SIRT1: variants seen among roughly 807,000 people sequenced by gnomAD.
The protein encoded by SIRT1 is sirtuin 1, also known as NAD-dependent protein deacetylase sirtuin-1.
In SIRT1, 24 loss-of-function variants were observed where a neutral mutation model predicts 67.9. The ratio of observed to expected loss-of-function variants is 0.35; its 90% CI spans 0.26 to 0.50. The LOEUF is 0.50. SIRT1 is among the 20% of genes least tolerant of loss of function. The probability of loss-of-function intolerance (pLI) is 0.98; values close to 1 mark genes in which losing one functional copy is unlikely to be tolerated. For synonymous variants in SIRT1, 378 were observed against 350.7 expected (o/e 1.08, Z -0.87); for missense variants, 873 against 937.2 (o/e 0.93, Z 0.89).
intron 4 of SIRT1, 56 bp from the exon 5 acceptor site, chr10:67,906,734 G>T: frequency 6.6e-7 from 1 of 1,518,324 alleles, no homozygotes; most frequent in South Asian, 1.2e-5. Flanking sequence ...TTAAACATAT[G>T]ACATCTGTAG....
chr10:67,896,704 G>A (rs192802692), intron 4 of SIRT1, among the ~76,000 whole-genome samples: 2 of 145,620 alleles, frequency 1.4e-5, no homozygotes, highest in South Asian at 2.2e-4. Flanking sequence ...TGAGTTTGCC[G>A]TGAGCTGAGA....
At chr10:67,902,187 C>T (rs1842755186) in intron 4 of SIRT1, among the ~76,000 whole-genome samples, 2 of 152,238 alleles carry the variant, frequency 1.3e-5, no homozygotes, top group South Asian at 4.1e-4. Flanking sequence ...CAGGGTTTCA[C>T]CATGTTGGCC....
rs1360964757 is a variant in SIRT1, at chr10:67,917,934, A to G, written c.*1341A>G. On this transcript the variant is annotated 3_prime_UTR_variant, in exon 9 of 9. Coordinates refer to ENST00000212015, the MANE Select transcript of SIRT1 (RefSeq NM_012238.5). ...TTTTGAACATCACTCCTAAATTAAT[A>G]AAGTATTCCTCTGTTGCTTTAGTAT... The G allele has an allele frequency of 2.0e-5, 3 of 152,470 alleles. No homozygotes were observed. Among genetic ancestry groups the G allele is most frequent in the African/African-American group, 4.8e-5 (2 of 41,464 alleles). 9.4% of individuals were successfully genotyped at this position (152,470 alleles called of 1,614,324 possible).
chr10:67,914,221 G>A (rs1842945064), intron 8 of SIRT1, among the ~76,000 whole-genome samples: 3 of 151,940 alleles, frequency 2.0e-5, no homozygotes, highest in African/African-American at 4.8e-5. Context: ...ACAGGCATGC[G>A]CCACCTTGCT....
intron 7 of SIRT1, 28 bp from the exon 8 acceptor site, chr10:67,912,446 C>T (rs1382822780): frequency 6.5e-7 from 1 of 1,548,348 alleles, no homozygotes; most frequent in South Asian, 1.2e-5. Context: ...CTCCCTTTTT[C>T]TAACTCTTAT....
chr10:67,896,263 G>C (rs1308521685), intron 4 of SIRT1, among the ~76,000 whole-genome samples: 1 of 152,146 alleles, frequency 6.6e-6, no homozygotes, highest in Admixed American at 6.6e-5. Context: ...CTCCTGAGTA[G>C]CTGAGACCAT....
intron 4 of SIRT1, among the ~76,000 whole-genome samples, chr10:67,904,671 C>T (rs1842794630): frequency 6.6e-6 from 1 of 151,884 alleles, no homozygotes; most frequent in Admixed American, 6.6e-5. Context: ...CATGGAGAAA[C>T]CCCGTCTCTA....
At chr10:67,907,968 A>C (rs1360241395) in intron 5 of SIRT1, 78 bp from the exon 6 acceptor site, 30 of 1,247,992 alleles carry the variant, frequency 2.4e-5, no homozygotes, top group Non-Finnish European at 3.1e-5. Context: ...TGTGATGTTA[A>C]ACTTTATAAC....
intron 5 of SIRT1, among the ~76,000 whole-genome samples, chr10:67,907,368 G>A (rs1464898726): frequency 5.3e-5 from 8 of 151,596 alleles, no homozygotes; most frequent in Admixed American, 3.9e-4. Context: ...GGTGGCAGGC[G>A]CCTGTAATCC....
At chr10:67,906,311 A>T (rs765212962) in intron 4 of SIRT1, 30 of 1,558,768 alleles carry the variant, frequency 1.9e-5, no homozygotes, top group Non-Finnish European at 2.4e-5. Flanking sequence ...CTTTAGCTTT[A>T]AACTTCCAGC....
At chr10:67,893,977 TAAAA>T (rs199513884) in intron 4 of SIRT1, among the ~76,000 whole-genome samples, 1 of 151,534 alleles carries the variant, frequency 6.6e-6, no homozygotes, top group Non-Finnish European at 1.5e-5. Flanking sequence ...CGACTGTCTT[TAAAA>T]AAAAAGTGAT....
intron 7 of SIRT1, among the ~76,000 whole-genome samples, chr10:67,910,084 T>TG (rs1216368961): frequency 6.6e-6 from 1 of 151,906 alleles, no homozygotes; most frequent in Non-Finnish European, 1.5e-5. Flanking sequence ...TGGAGGGTTG[T>TG]CAAAACGCAA....
intron 4 of SIRT1, among the ~76,000 whole-genome samples, chr10:67,901,552 A>G (rs1842745381): frequency 6.6e-6 from 1 of 152,160 alleles, no homozygotes; most frequent in African/African-American, 2.4e-5. Context: ...TCTCTGTCAT[A>G]TGTTCTTTGT....
chr10:67,907,391 A>G (rs1842835592), intron 5 of SIRT1, among the ~76,000 whole-genome samples: 1 of 149,902 alleles, frequency 6.7e-6, no homozygotes, highest in Non-Finnish European at 1.5e-5. Flanking sequence ...GCTACTCAGG[A>G]GGCTGAGGCA....
In SIRT1 at chr10:67,917,016, A is replaced by C. The variant is rs1396592254; in HGVS notation, c.*423A>C. The C allele has an allele frequency of 6.5e-6, 1 of 152,942 alleles. No individual in the cohort carries two copies. Among genetic ancestry groups the C allele is most frequent in the Non-Finnish European group, 1.5e-5 (1 of 68,282 alleles). 9.5% of individuals were successfully genotyped at this position (152,942 alleles called of 1,614,324 possible). ...ATCTAGACCAAAGAATGGTATTTTCACTTTTCTTTGTAACATTGAATGGTT... is the reference window on the plus strand; with the variant it reads ...ATCTAGACCAAAGAATGGTATTTTCCCTTTTCTTTGTAACATTGAATGGTT... On this transcript the variant is annotated 3_prime_UTR_variant, in exon 9 of 9. Coordinates refer to ENST00000212015, the MANE Select transcript of SIRT1 (RefSeq NM_012238.5).
rs112203140 is a variant in SIRT1 at position 67,909,531 on chromosome 10, T to C, written c.1357+89T>C. On this transcript the variant is annotated intron_variant, in intron 7 of 8. Coordinates refer to ENST00000212015, the MANE Select transcript of SIRT1 (RefSeq NM_012238.5). ...TAATAGACGCTAGTAATCTTAACTC[T>C]GCTTCTGTTTGAAAGAGTGGTGAAG... 78 of 1,089,318 alleles carry C rather than the reference T, an allele frequency of 7.2e-5. No homozygotes were observed. In the African/African-American group the frequency reaches 1.1e-3, roughly 16 times the overall value. 67.5% of individuals were successfully genotyped at this position (1,089,318 alleles called of 1,614,324 possible). A position where few individuals can be genotyped will look rare whatever the true frequency, so the allele number is the denominator to read the frequency against.
At chr10:67,911,608 T>TC (rs1416016970) in intron 7 of SIRT1, among the ~76,000 whole-genome samples, 9 of 61,212 alleles carry the variant, frequency 1.5e-4, no homozygotes, top group East Asian at 5.8e-4. Flanking sequence ...ACTTTTTCCC[T>TC]CCCCCCCTCC....
chr10:67,906,682 C>T, intron 4 of SIRT1, 108 bp from the exon 5 acceptor site: 1 of 1,133,442 alleles, frequency 8.8e-7, no homozygotes, highest in Non-Finnish European at 1.3e-6. Flanking sequence ...TCATCTATTT[C>T]ATTTTTAAAA....
chr10:67,884,875 G>T lies in SIRT1; in HGVS notation c.154G>T (p.Gly52Cys). ...PGLERSPGEP[G>C]GAAPEREVPA... ...CCTCGAGCGGAGCCCGGGCGAGCCCGGTGGGGCGGCCCCAGAGCGTGAGGT... is the reference window on the plus strand; with the variant it reads ...CCTCGAGCGGAGCCCGGGCGAGCCCTGTGGGGCGGCCCCAGAGCGTGAGGT... Residue 52 changes from glycine (G) to cysteine (C), a missense_variant, in exon 1 of 9, where the codon GGT becomes TGT. By Grantham distance (159) the Gly-to-Cys change is radical (BLOSUM62 -3). This residue lies in a region of SIRT1 where 327 missense variants were observed against 283.9 expected (regional missense o/e 1.15). Coordinates refer to ENST00000212015, the MANE Select transcript of SIRT1 (RefSeq NM_012238.5). The T allele has an allele frequency of 8.2e-7, 1 of 1,214,238 alleles. No homozygotes were observed. The highest frequency in any genetic ancestry group is 1.0e-6 in the Non-Finnish European group (1 of 976,730). The allele number at this position is 1,214,238 out of a possible 1,614,324, so 75.2% of individuals were successfully genotyped here.
Sources: gnomAD v4.1 joint callset for allele counts (sites outside exome capture counted in the v4.1 genomes callset) on GRCh38, gnomAD v4.1.1 for gene constraint, gnomAD v4.1.1 regional missense constraint, MANE v1.5 for transcripts, NCBI Gene and HGNC (gene_info 2026-07-23, HGNC 2026-07-21) for gene names.